The following UGT8 variants were observed in gnomAD, a reference collection of about 807,000 sequenced individuals.
UGT8 encodes the protein UDP glycosyltransferase 8.
UGT8 carries 12 observed loss-of-function variants against 40.5 expected under a neutral mutation model. That is an observed-to-expected ratio of 0.30 (90% CI 0.19 to 0.48). The LOEUF (loss-of-function observed/expected upper bound fraction) is 0.48. UGT8 is among the 20% of genes least tolerant of loss of function. The pLI, the probability that UGT8 is intolerant of heterozygous loss-of-function variation, is 0.99. For synonymous variants in UGT8, 224 were observed against 240.4 expected (o/e 0.93, Z 0.63); for missense variants, 513 against 648.7 (o/e 0.79, Z 2.27).
chr4:114,637,240 C>T (rs940762399), intron 2 of UGT8, among the ~76,000 whole-genome samples: 12 of 152,154 alleles, frequency 7.9e-5, no homozygotes, highest in East Asian at 1.9e-4. Flanking sequence ...TCACATCTCA[C>T]GGTCTTTGTG....
chr4:114,654,878 A>C (rs1734083744), intron 2 of UGT8, among the ~76,000 whole-genome samples: 2 of 152,044 alleles, frequency 1.3e-5, no homozygotes, highest in Non-Finnish European at 2.9e-5. Flanking sequence ...CTTTCTGAAA[A>C]CACATGTGGG....
Position 114,637,033 on chromosome 4 carries a change from A to G in UGT8, c.822+13331A>G, listed in dbSNP as rs79142490. Among the ~76,000 whole-genome samples the G allele has an allele frequency of 7.2e-3, 1,100 of 152,352 alleles. 16 individuals are homozygous for G. The highest frequency in any genetic ancestry group is 0.025 in the African/African-American group (1,019 of 41,580). ...TATTTTATACTGAAATTGGAGGTCTAGTAACAGTGAGGCATTAGTCAAAAG... is the reference window on the plus strand; with the variant it reads ...TATTTTATACTGAAATTGGAGGTCTGGTAACAGTGAGGCATTAGTCAAAAG... On this transcript the variant is annotated intron_variant, in intron 2 of 5. Transcript: ENST00000310836.
chr4:114,659,989 C>CT (rs1296787010), intron 2 of UGT8, among the ~76,000 whole-genome samples: 1 of 152,166 alleles, frequency 6.6e-6, no homozygotes, highest in Non-Finnish European at 1.5e-5. Context: ...ACAAGACTGG[C>CT]TAACCATTTG....
At chr4:114,670,173 A>G (rs1213166485) in intron 5 of UGT8, among the ~76,000 whole-genome samples, 1 of 152,138 alleles carries the variant, frequency 6.6e-6, no homozygotes, top group Non-Finnish European at 1.5e-5. Flanking sequence ...TCAATAAAAT[A>G]CTGGCAAACC....
At chr4:114,642,957 A>G (rs1733320672) in intron 2 of UGT8, among the ~76,000 whole-genome samples, 1 of 151,922 alleles carries the variant, frequency 6.6e-6, no homozygotes, top group Admixed American at 6.6e-5. Flanking sequence ...AGAAACAACT[A>G]CTCCTTTAAA....
chr4:114,599,981 G>C (rs1024865361), intron 1 of UGT8, among the ~76,000 whole-genome samples: 1 of 152,098 alleles, frequency 6.6e-6, no homozygotes, highest in Non-Finnish European at 1.5e-5. Flanking sequence ...CTTAGGAAAG[G>C]AATAGCCTCT....
Position 114,664,048 on chromosome 4 carries a change from T to C in UGT8, c.876T>C (p.Ser292=), listed in dbSNP as rs1320393830. The C allele has an allele frequency of 6.2e-7, 1 of 1,613,994 alleles. No individual in the cohort carries two copies. Among genetic ancestry groups the C allele is most frequent in the Non-Finnish European group, 8.5e-7 (1 of 1,179,978 alleles). ...ATGAACATGGCTTTGTCTTGGTGTC[T>C]TTTGGAGCTGGTGTCAAGTATCTGT... The part of the protein sequence containing the change: ...GANEHGFVLV[S]FGAGVKYLSE... Residue 292 remains serine, a synonymous_variant, in exon 3 of 6, where the codon TCT becomes TCC. Transcript: ENST00000310836.
At chr4:114,627,985 CTG>C (rs1732342565) in intron 2 of UGT8, among the ~76,000 whole-genome samples, 1 of 152,078 alleles carries the variant, frequency 6.6e-6, no homozygotes, top group African/African-American at 2.4e-5. Context: ...ATTTAATGAA[CTG>C]TATCAAATAG....
At chr4:114,616,638 A>G (rs1360957620) in intron 1 of UGT8, among the ~76,000 whole-genome samples, 1 of 152,040 alleles carries the variant, frequency 6.6e-6, no homozygotes, top group Non-Finnish European at 1.5e-5. Context: ...CCCCAGTGAG[A>G]TGAACCCAGT....
intron 2 of UGT8, among the ~76,000 whole-genome samples, chr4:114,646,280 C>A (rs1733564849): frequency 6.6e-6 from 1 of 151,838 alleles, no homozygotes; most frequent in African/African-American, 2.4e-5. Context: ...GCAACATAAA[C>A]TATTTGTTTG....
At chr4:114,661,138 A>C (rs138131069) in intron 2 of UGT8, among the ~76,000 whole-genome samples, 1 of 152,194 alleles carries the variant, frequency 6.6e-6, no homozygotes, top group African/African-American at 2.4e-5. Context: ...GTAGGTCTTT[A>C]TGAATTTTGT....
chr4:114,646,028 A>G (rs1299073888), intron 2 of UGT8, among the ~76,000 whole-genome samples: 1 of 152,176 alleles, frequency 6.6e-6, no homozygotes, highest in African/African-American at 2.4e-5. Context: ...CATATTATGT[A>G]GTATATGTAA....
rs951682095 is a variant in UGT8 at position 114,678,011 on chromosome 4, C to T, written c.*1723C>T. ...CATACATAGAAACTTATTAGTTATA[C>T]CTTTTCACAATCTTATTACGATGTT... On this transcript the variant is annotated 3_prime_UTR_variant, in exon 6 of 6. Coordinates refer to ENST00000310836, the MANE Select transcript of UGT8 (RefSeq NM_001128174.3). 2 of 152,128 alleles carry T rather than the reference C, an allele frequency of 1.3e-5. No homozygotes were observed. The highest frequency in any genetic ancestry group is 2.9e-5 in the Non-Finnish European group (2 of 68,028). 9.4% of individuals were successfully genotyped at this position (152,128 alleles called of 1,614,324 possible).
chr4:114,617,049 G>A lies in UGT8; in HGVS notation c.-2-5830G>A, dbSNP rs371189463. On this transcript the variant is annotated intron_variant, in intron 1 of 5. Coordinates refer to ENST00000310836, the MANE Select transcript of UGT8 (RefSeq NM_001128174.3). ...AGGCAGATCACACGGTCAGGAGTTC[G>A]AGACCAGTTTGACCAACATGGTGAA... Among the ~76,000 whole-genome samples the A allele has an allele frequency of 5.9e-5, 9 of 152,112 alleles. No individual in the cohort carries two copies. In the South Asian group the frequency reaches 8.3e-4, roughly 14 times the overall value.
intron 5 of UGT8, among the ~76,000 whole-genome samples, chr4:114,668,953 C>T (rs932524381): frequency 6.6e-6 from 1 of 152,120 alleles, no homozygotes; most frequent in South Asian, 2.1e-4. Flanking sequence ...AGTTTTAAAA[C>T]AAAGCAGCAG....
intron 2 of UGT8, chr4:114,656,689 C>A (rs765151691): frequency 4.9e-5 from 21 of 432,482 alleles, no homozygotes; most frequent in Non-Finnish European, 8.5e-5. Flanking sequence ...AGAGGAGATA[C>A]TTTGTTGTGA....
chr4:114,642,221 T>C (rs1256040256), intron 2 of UGT8, among the ~76,000 whole-genome samples: 3 of 152,138 alleles, frequency 2.0e-5, no homozygotes, highest in Non-Finnish European at 4.4e-5. Flanking sequence ...TGACTTTTTT[T>C]TTTTAGCGAT....
chr4:114,668,385 G>A (rs1735026082), intron 5 of UGT8, 81 bp downstream of exon 5: 1 of 1,126,668 alleles, frequency 8.9e-7, no homozygotes, highest in African/African-American at 1.6e-5. Flanking sequence ...TCAATAGATT[G>A]TCAATAAATT....
At chr4:114,663,940 C>T in intron 2 of UGT8, 55 bp from the exon 3 acceptor site, 1 of 1,580,582 alleles carries the variant, frequency 6.3e-7, no homozygotes. Context: ...TTAATAACAC[C>T]AATTATAAAC....
Sources: allele counts gnomAD v4.1 joint callset (sites outside exome capture counted in the v4.1 genomes callset), GRCh38; gene constraint gnomAD v4.1.1; transcripts MANE v1.5; gene names NCBI Gene and HGNC (gene_info 2026-07-23, HGNC 2026-07-21).